The following LRPAP1 variants were observed in gnomAD, a reference collection of about 807,000 sequenced individuals.
LRPAP1 encodes LDL receptor related protein associated protein 1, also known as alpha-2-macroglobulin receptor-associated protein.
LRPAP1 carries 41 observed loss-of-function variants against 39.9 expected under a neutral mutation model. The observed-to-expected ratio is 1.03, with a 90% confidence interval of 0.80 to 1.33. The LOEUF (loss-of-function observed/expected upper bound fraction) is 1.33. Among genes scored for constraint, LRPAP1 ranks in the 40% most tolerant of loss-of-function variants. The pLI, the probability that LRPAP1 is intolerant of heterozygous loss-of-function variation, is 0.00. For missense variants in LRPAP1, 565 were observed against 482.3 expected (o/e 1.17, Z -1.61); for synonymous variants, 263 against 212.7 (o/e 1.24, Z -2.06).
chr4:3,524,848 G>A lies in LRPAP1; in HGVS notation c.349+59C>T, dbSNP rs544760352. 28 of 1,577,526 alleles carry A rather than the reference G, an allele frequency of 1.8e-5. No homozygotes were observed. The East Asian group carries it at 3.8e-4, about 22-fold the overall frequency. On this transcript the variant is annotated intron_variant, in intron 2 of 7. Coordinates refer to ENST00000650182, the MANE Select transcript of LRPAP1 (RefSeq NM_002337.4). ...AAAATCCGACATCCAAAACACTGCC[G>A]CTCTCAAGCATTTAGGAAGAGGGAT...
rs569464598 is a variant in LRPAP1, at chr4:3,525,708, G to A, written c.205-657C>T. Among the ~76,000 whole-genome samples, 27 of 152,236 alleles carry A rather than the reference G, an allele frequency of 1.8e-4. No individual in the cohort carries two copies. In the East Asian group the frequency reaches 3.7e-3, roughly 21 times the overall value. ...CCCCGCCCCACCCTCATCCCTCTCC[G>A]CAGGGCAGGCCACGCTTCATTCATC... On this transcript the variant is annotated intron_variant, in intron 1 of 7. Transcript: ENST00000650182.
chr4:3,515,853 C>A, intron 6 of LRPAP1: 2 of 524,116 alleles, frequency 3.8e-6, no homozygotes, highest in Non-Finnish European at 6.9e-6. Flanking sequence ...TCCACAGGAC[C>A]CGCACCAAGG....
rs1729439187 is a variant in LRPAP1 at position 3,509,115 on chromosome 4, A to G, written c.*3859T>C. On this transcript the variant is annotated 3_prime_UTR_variant, in exon 8 of 8. Coordinates refer to ENST00000650182, the MANE Select transcript of LRPAP1 (RefSeq NM_002337.4). ...GAACACCTAGGACTAGATCTAAAGG[A>G]AAACATGCCAGACACATGCACAGAA... 6.6e-6 allele frequency: 1 copy of G among 152,302 alleles called. No individual in the cohort carries two copies. Among genetic ancestry groups the G allele is most frequent in the South Asian group, 2.1e-4 (1 of 4,838 alleles). The allele number at this position is 152,302 out of a possible 1,614,324, so 9.4% of individuals were successfully genotyped here. A position where few individuals can be genotyped will look rare whatever the true frequency, so the allele number is the denominator to read the frequency against.
Position 3,512,840 on chromosome 4 carries a change from A to G in LRPAP1, c.*134T>C. On this transcript the variant is annotated 3_prime_UTR_variant, in exon 8 of 8. Transcript: ENST00000650182. ...ACGGCAGCGGCTGCAGTCACCAGAA[A>G]CAATCCTTCCTGCCTCGACACCCGT... is the stretch of plus-strand genomic sequence containing the variant. The G allele has an allele frequency of 4.2e-6, 3 of 710,384 alleles. No individual in the cohort carries two copies. Among genetic ancestry groups the G allele is most frequent in the Non-Finnish European group, 7.0e-6 (3 of 431,312 alleles). 44.0% of individuals were successfully genotyped at this position (710,384 alleles called of 1,614,324 possible). A position where few individuals can be genotyped will look rare whatever the true frequency, so the allele number is the denominator to read the frequency against.
chr4:3,530,077 G>A (rs1248524392), intron 1 of LRPAP1, among the ~76,000 whole-genome samples: 2 of 152,152 alleles, frequency 1.3e-5, no homozygotes, highest in East Asian at 1.9e-4. Flanking sequence ...CGAGTCAGGT[G>A]GGGTAAGAAG....
chr4:3,517,123 G>A (rs75269979), intron 5 of LRPAP1, among the ~76,000 whole-genome samples: 6 of 140,564 alleles, frequency 4.3e-5, no homozygotes, highest in Non-Finnish European at 9.4e-5. Flanking sequence ...ACGGCTGACA[G>A]TCACCAGCAC....
chr4:3,506,503 G>C lies in LRPAP1; in HGVS notation c.*6471C>G, dbSNP rs1253204516. On this transcript the variant is annotated 3_prime_UTR_variant, in exon 8 of 8. Transcript: ENST00000650182. ...TTCTCCTGCCTCAGCCTCCCAAGTA[G>C]CTGGGATTACAGGTGCCTGCCACCA... is the stretch of plus-strand genomic sequence containing the variant. The C allele has an allele frequency of 6.6e-6, 1 of 151,908 alleles. No individual in the cohort carries two copies. The highest frequency in any genetic ancestry group is 6.6e-5 in the Admixed American group (1 of 15,226). 9.4% of individuals were successfully genotyped at this position (151,908 alleles called of 1,614,324 possible). A position where few individuals can be genotyped will look rare whatever the true frequency, so the allele number is the denominator to read the frequency against.
intron 7 of LRPAP1, 68 bp from the exon 8 acceptor site, chr4:3,513,104 C>A: frequency 7.8e-7 from 1 of 1,276,900 alleles, no homozygotes; most frequent in Non-Finnish European, 1.1e-6. Context: ...AGCTCAGCCT[C>A]ATGTCAGGAG....
intron 3 of LRPAP1, among the ~76,000 whole-genome samples, chr4:3,519,783 T>C (rs1729850287): frequency 1.3e-5 from 2 of 152,234 alleles, no homozygotes; most frequent in Non-Finnish European, 2.9e-5. Context: ...CAGCCCATGC[T>C]ACGTCACCAT....
chr4:3,514,730 C>G (rs17848286), intron 7 of LRPAP1, 22 bp downstream of exon 7: 3 of 1,578,496 alleles, frequency 1.9e-6, no homozygotes, highest in East Asian at 4.5e-5. Context: ...GTGGCCTCCC[C>G]GGTCCTGGAA....
intron 1 of LRPAP1, among the ~76,000 whole-genome samples, chr4:3,526,375 A>C (rs1730078913): frequency 6.6e-6 from 1 of 152,210 alleles, no homozygotes; most frequent in Non-Finnish European, 1.5e-5. Flanking sequence ...TTAAATATGG[A>C]GTCTGTTTTC....
Position 3,518,854 on chromosome 4 carries a change from G to A in LRPAP1, c.592+17C>T. On this transcript the variant is annotated intron_variant, in intron 4 of 7. Coordinates refer to ENST00000650182, the MANE Select transcript of LRPAP1 (RefSeq NM_002337.4). ...GGGGTGGGGCAGAGGGCAGGAGGGG[G>A]TGGGGGCGGGGGGCACCTTCGGTCC... The A allele has an allele frequency of 9.8e-6, 15 of 1,523,636 alleles. No individual in the cohort carries two copies. Among genetic ancestry groups the A allele is most frequent in the Non-Finnish European group, 1.3e-5 (15 of 1,131,120 alleles). The allele number at this position is 1,523,636 out of a possible 1,614,324, so 94.4% of individuals were successfully genotyped here. A position where few individuals can be genotyped will look rare whatever the true frequency, so the allele number is the denominator to read the frequency against.
chr4:3,526,870 C>G (rs553779436), intron 1 of LRPAP1, among the ~76,000 whole-genome samples: 1 of 152,206 alleles, frequency 6.6e-6, no homozygotes, highest in Non-Finnish European at 1.5e-5. Context: ...GAAGCCCAGC[C>G]TGACTCTGTG....
chr4:3,514,861 G>A lies in LRPAP1; in HGVS notation c.902C>T (p.Ala301Val), dbSNP rs201384451. ...HNHYQKQLEIAHEKLRHAESV... is the reference protein window; with the variant it reads ...HNHYQKQLEIVHEKLRHAESV... ...CTCTGCGTGCCTCAGCTTCTCGTGC[G>A]CAATCTCCAGCTGCTTCTGGTAGTG... The change falls in exon 7 of 8, where the codon GCG becomes GTG. Residue 301 changes from alanine (A) to valine (V), a missense_variant. Physicochemically the swap from Ala to Val is moderately conservative, Grantham distance 64. Transcript: ENST00000650182. 107 of 1,613,832 alleles carry A rather than the reference G, an allele frequency of 6.6e-5. No individual in the cohort carries two copies. Among genetic ancestry groups the A allele is most frequent in the Admixed American group, 1.0e-4 (6 of 60,028 alleles).
In LRPAP1 at chr4:3,518,069, C is replaced by T. The variant is rs202048919; in HGVS notation, c.716G>A (p.Arg239His). ...GCTGTAGCCCTGGTGGCTGACCCTGCGCAGGCGGTCCAGGCCCTGGTTGAT... is the reference window on the plus strand; with the variant it reads ...GCTGTAGCCCTGGTGGCTGACCCTGTGCAGGCGGTCCAGGCCCTGGTTGAT... ...RSINQGLDRLRRVSHQGYSTE... is the reference protein window; with the variant it reads ...RSINQGLDRLHRVSHQGYSTE... The change falls in exon 5 of 8, where the codon CGC (arginine) becomes CAC (histidine). Residue 239 changes from arginine (R) to histidine (H), a missense_variant. Physicochemically the swap from Arg to His is conservative, Grantham distance 29. Coordinates refer to ENST00000650182, the MANE Select transcript of LRPAP1 (RefSeq NM_002337.4). 3.2e-5 allele frequency: 52 copies of T among 1,612,070 alleles called. No homozygotes were observed. The highest frequency in any genetic ancestry group is 3.3e-4 in the Middle Eastern group (2 of 6,062).
intron 1 of LRPAP1, among the ~76,000 whole-genome samples, chr4:3,529,266 T>C (rs1329998714): frequency 6.6e-6 from 1 of 151,798 alleles, no homozygotes; most frequent in East Asian, 1.9e-4. Context: ...GAGGTTGCAG[T>C]GAGCCGAGAT....
At chr4:3,528,756 C>A (rs1730151770) in intron 1 of LRPAP1, among the ~76,000 whole-genome samples, 1 of 152,228 alleles carries the variant, frequency 6.6e-6, no homozygotes, top group Non-Finnish European at 1.5e-5. Context: ...TGTGCCCCAG[C>A]TCCTTCCACC....
At chr4:3,523,037 G>C (rs1481893436) in intron 2 of LRPAP1, among the ~76,000 whole-genome samples, 1 of 152,184 alleles carries the variant, frequency 6.6e-6, no homozygotes, top group African/African-American at 2.4e-5. Flanking sequence ...GTCTGCTTCT[G>C]GGACGCCGGC....
In LRPAP1 at chr4:3,524,864, G is replaced by T. The variant is rs561358406; in HGVS notation, c.349+43C>A. On this transcript the variant is annotated intron_variant, in intron 2 of 7. Transcript: ENST00000650182. The stretch of plus-strand genomic sequence containing the variant: ...AACACTGCCGCTCTCAAGCATTTAG[G>T]AAGAGGGATACTCGACCTGCATTAG... The T allele has an allele frequency of 1.3e-4, 208 of 1,603,526 alleles. 3 individuals carry two copies. In the South Asian group the frequency reaches 2.1e-3, roughly 17 times the overall value.
Sources: gnomAD v4.1 joint callset for allele counts (sites outside exome capture counted in the v4.1 genomes callset) on GRCh38, gnomAD v4.1.1 for gene constraint, MANE v1.5 for transcripts, NCBI Gene and HGNC (gene_info 2026-07-23, HGNC 2026-07-21) for gene names.